Variants in RBFOX1 observed in about 807,000 individuals in gnomAD.
The protein encoded by RBFOX1 is RNA binding fox-1 homolog 1.
Under a neutral mutation model 57.7 loss-of-function variants are expected in RBFOX1, and 8 were observed. The observed-to-expected ratio is 0.14, with a 90% CI of 0.08 to 0.25. The LOEUF is 0.25. Ranked by LOEUF, RBFOX1 falls within the 10% of genes least tolerant of loss-of-function variation. The pLI is 1.00. For synonymous variants in RBFOX1, 326 were observed against 222.4 expected (o/e 1.47, Z -4.15); for missense variants, 611 against 548.5 (o/e 1.11, Z -1.14).
chr16:6,099,889 C>G (rs1333253955), intron 1 of RBFOX1, among the ~76,000 whole-genome samples: 3 of 152,118 alleles, frequency 2.0e-5, no homozygotes, highest in African/African-American at 7.2e-5. Flanking sequence ...GAGTTCTTTT[C>G]TCTGTATGTC....
At chr16:6,772,560 G>C (rs2078490984) in intron 3 of RBFOX1, among the ~76,000 whole-genome samples, 2 of 151,248 alleles carry the variant, frequency 1.3e-5, no homozygotes, top group Admixed American at 6.6e-5. Context: ...TGTATGTGTG[G>C]GGTGCATTTG....
chr16:6,118,297 A>T (rs1007091720), intron 1 of RBFOX1, among the ~76,000 whole-genome samples: 2 of 152,018 alleles, frequency 1.3e-5, no homozygotes, highest in African/African-American at 4.8e-5. Context: ...GTCTCAGTCC[A>T]CTCAGGCTCC....
At chr16:6,882,838 C>T (rs968432965) in intron 3 of RBFOX1, among the ~76,000 whole-genome samples, 1 of 152,048 alleles carries the variant, frequency 6.6e-6, no homozygotes, top group Admixed American at 6.6e-5. Context: ...TTTTCAGAGG[C>T]TTTATGTTCA....
At chr16:5,699,076 C>G (rs1030444283) in intron 3 of RBFOX1, among the ~76,000 whole-genome samples, 1 of 149,666 alleles carries the variant, frequency 6.7e-6, no homozygotes, top group Non-Finnish European at 1.5e-5. Context: ...CAACCTCCAT[C>G]TCATGGATTC....
intron 3 of RBFOX1, among the ~76,000 whole-genome samples, chr16:6,997,121 A>G (rs1168251228): frequency 6.6e-6 from 1 of 152,106 alleles, no homozygotes; most frequent in Non-Finnish European, 1.5e-5. Context: ...TTTGCCCCCA[A>G]ACTTACAACT....
At chr16:7,474,011 G>A (rs566995466) in intron 4 of RBFOX1, among the ~76,000 whole-genome samples, 49 of 152,102 alleles carry the variant, frequency 3.2e-4, no homozygotes, top group African/African-American at 1.1e-3. Flanking sequence ...CCCCCCGGCC[G>A]GGCATGGTGG....
At chr16:6,441,146 G>A (rs892547829) in intron 2 of RBFOX1, among the ~76,000 whole-genome samples, 2 of 152,138 alleles carry the variant, frequency 1.3e-5, no homozygotes, top group African/African-American at 2.4e-5. Context: ...GAGGGAACAT[G>A]CCCTGGGGGG....
chr16:6,095,237 A>T (rs1464719124), intron 1 of RBFOX1, among the ~76,000 whole-genome samples: 1 of 152,244 alleles, frequency 6.6e-6, no homozygotes, highest in East Asian at 1.9e-4. Flanking sequence ...TTCCAAGTAA[A>T]ACATTTAAAG....
intron 2 of RBFOX1, among the ~76,000 whole-genome samples, chr16:6,630,595 T>G (rs2098372395): frequency 6.6e-6 from 1 of 152,156 alleles, no homozygotes; most frequent in South Asian, 2.1e-4. Flanking sequence ...ACTAATTTGT[T>G]CAAGTCTCCT....
intron 4 of RBFOX1, among the ~76,000 whole-genome samples, chr16:7,068,127 A>G (rs2056540065): frequency 6.6e-6 from 1 of 151,962 alleles, no homozygotes; most frequent in Non-Finnish European, 1.5e-5. Context: ...GTCCACCCAG[A>G]TTATCCAGGA....
At chr16:5,387,032 C>T (rs1172420417) in intron 1 of RBFOX1, among the ~76,000 whole-genome samples, 1 of 152,154 alleles carries the variant, frequency 6.6e-6, no homozygotes, top group Non-Finnish European at 1.5e-5. Context: ...GCCTGGGCAA[C>T]AAGAGTGAAA....
intron 3 of RBFOX1, among the ~76,000 whole-genome samples, chr16:5,721,409 C>G (rs1025720693): frequency 6.6e-6 from 1 of 152,084 alleles, no homozygotes; most frequent in Non-Finnish European, 1.5e-5. Flanking sequence ...TTGTTGTCTG[C>G]AAGTAAAGAT....
Position 6,971,448 on chromosome 16 carries a change from G to A in RBFOX1, c.-15-80609G>A, listed in dbSNP as rs183156953. Among the ~76,000 whole-genome samples the A allele has an allele frequency of 1.3e-4, 20 of 152,082 alleles. No individual in the cohort carries two copies. In the East Asian group the frequency reaches 3.7e-3, roughly 28 times the overall value. On this transcript the variant is annotated intron_variant, in intron 3 of 15. Transcript: ENST00000550418. ...TAAGATGGGTTTGGAGGGGTTGGCA[G>A]GGGTCCCGCAGTGCAGAGCTTTTCA...
chr16:7,254,537 T>G (rs1402065996), intron 4 of RBFOX1, among the ~76,000 whole-genome samples: 1 of 152,108 alleles, frequency 6.6e-6, no homozygotes, highest in Non-Finnish European at 1.5e-5. Context: ...AGGTGTTATT[T>G]TATTATTTCT....
rs118026808 is a variant in RBFOX1, at chr16:6,924,546, A to C, written c.-15-127511A>C. Reference sequence around the variant, plus strand: ...CCAACATTGGGGATCACATTTCAACATGAGATTTAGAGAGGACACATATCC... The same window carrying C: ...CCAACATTGGGGATCACATTTCAACCTGAGATTTAGAGAGGACACATATCC... On this transcript the variant is annotated intron_variant, in intron 3 of 15. Coordinates refer to ENST00000550418, the MANE Select transcript of RBFOX1 (RefSeq NM_018723.4). Among the ~76,000 whole-genome samples the C allele has an allele frequency of 0.014, 2,073 of 152,192 alleles. 76 individuals carry two copies. The East Asian group carries it at 0.14, about 10-fold the overall frequency.
chr16:5,827,908 T>C (rs188319148), intron 3 of RBFOX1, among the ~76,000 whole-genome samples: 37 of 138,284 alleles, frequency 2.7e-4, no homozygotes, highest in South Asian at 2.5e-3. Context: ...CATCCATCCA[T>C]CCATCCATCC....
chr16:7,186,794 T>A (rs1180366136), intron 4 of RBFOX1, among the ~76,000 whole-genome samples: 1 of 151,152 alleles, frequency 6.6e-6, no homozygotes, highest in Non-Finnish European at 1.5e-5. Context: ...TATCCTGCCA[T>A]CAAGTATCCA....
At chr16:5,730,447 C>T (rs377715563) in intron 3 of RBFOX1, among the ~76,000 whole-genome samples, 4 of 152,284 alleles carry the variant, frequency 2.6e-5, no homozygotes, top group African/African-American at 7.2e-5. Flanking sequence ...CCTCTGGCTG[C>T]GCACACACAC....
chr16:6,061,430 T>G (rs1236752572), intron 1 of RBFOX1, among the ~76,000 whole-genome samples: 2 of 152,096 alleles, frequency 1.3e-5, no homozygotes, highest in Non-Finnish European at 2.9e-5. Context: ...TTTTGTTATA[T>G]ATCTATATTG....
Sources: allele counts gnomAD v4.1 joint callset (sites outside exome capture counted in the v4.1 genomes callset), GRCh38; gene constraint gnomAD v4.1.1; transcripts MANE v1.5; gene names NCBI Gene and HGNC (gene_info 2026-07-23, HGNC 2026-07-21).